ADAMTS12: variants seen among roughly 807,000 people sequenced by gnomAD.
ADAMTS12 encodes the protein ADAM metallopeptidase with thrombospondin type 1 motif 12.
In ADAMTS12, 118 loss-of-function variants were observed where a neutral mutation model predicts 167.8. That is an observed-to-expected ratio of 0.70 (90% CI 0.61 to 0.82). ADAMTS12 has a LOEUF of 0.82. ADAMTS12 is among the 40% of genes least tolerant of loss of function. The pLI is 0.00. For synonymous variants in ADAMTS12, 704 were observed against 716.9 expected, an observed-to-expected ratio of 0.98 and a Z score of 0.29; for missense variants, 1,916 against 1,998.8, an observed-to-expected ratio of 0.96 and a Z score of 0.79.
At chr5:33,632,378 A>G in intron 12 of ADAMTS12, among the ~76,000 whole-genome samples, 1 of 151,044 alleles carries the variant, frequency 6.6e-6, no homozygotes, top group Non-Finnish European at 1.5e-5. Flanking sequence ...AAACAAGCAC[A>G]TGTGCTCCCT....
chr5:33,675,212 C>A (rs1741858417), intron 5 of ADAMTS12, among the ~76,000 whole-genome samples: 1 of 152,126 alleles, frequency 6.6e-6, no homozygotes, highest in Non-Finnish European at 1.5e-5. Flanking sequence ...CTAAAACAGA[C>A]CCTGCCTAGT....
At chr5:33,592,263 A>G (rs985652241) in intron 17 of ADAMTS12, among the ~76,000 whole-genome samples, 1 of 151,500 alleles carries the variant, frequency 6.6e-6, no homozygotes, top group Non-Finnish European at 1.5e-5. Flanking sequence ...AAAAACAAAA[A>G]AACAAAAAAC....
intron 3 of ADAMTS12, among the ~76,000 whole-genome samples, chr5:33,726,208 A>T (rs1743975252): frequency 6.6e-6 from 1 of 152,170 alleles, no homozygotes; most frequent in Non-Finnish European, 1.5e-5. Flanking sequence ...ATCTGGTTGG[A>T]AGGGAAAGTG....
At chr5:33,810,204 A>AG (rs2112485830) in intron 2 of ADAMTS12, among the ~76,000 whole-genome samples, 1 of 152,306 alleles carries the variant, frequency 6.6e-6, no homozygotes, top group East Asian at 1.9e-4. Context: ...ATCTGGTAGC[A>AG]GAAAAAAATG....
rs375897060 is a variant in ADAMTS12, at chr5:33,576,620, T to C, written c.3406A>G (p.Ile1136Val). The change falls in exon 19 of 24, where the codon ATC becomes GTC. Residue 1136 changes from isoleucine to valine, a missense_variant. By Grantham distance (29) the Ile-to-Val change is conservative. Transcript: ENST00000504830. ...TAAAATGGAGTCACAGGCCAAGTGA[T>C]AGGGTTGCGGGAAGATGACAAGCCA... ...GSGLSSSRNP[I>V]TWPVTPFYNT... The C allele has an allele frequency of 2.5e-6, 4 of 1,614,210 alleles. No homozygotes were observed. The highest frequency in any genetic ancestry group is 2.2e-5 in the East Asian group (1 of 44,886).
chr5:33,557,117 A>T (rs1745519548), intron 20 of ADAMTS12, among the ~76,000 whole-genome samples: 1 of 152,210 alleles, frequency 6.6e-6, no homozygotes, highest in Admixed American at 6.5e-5. Context: ...CAGCAATCAC[A>T]GTGGTAGAAG....
At chr5:33,658,070 C>T in intron 7 of ADAMTS12, 114 bp downstream of exon 7, 1 of 1,325,740 alleles carries the variant, frequency 7.5e-7, no homozygotes, top group South Asian at 1.4e-5. Flanking sequence ...TCACAAGCCA[C>T]AGTATAATCT....
At chr5:33,616,106 C>T (rs201697738) in intron 14 of ADAMTS12, 34 bp from the exon 15 acceptor site, 151 of 1,608,294 alleles carry the variant, frequency 9.4e-5, no homozygotes, top group Admixed American at 4.4e-4. Context: ...GAAAGAGGCA[C>T]GCCAGCTTCT....
chr5:33,807,919 A>C (rs1428979407), intron 2 of ADAMTS12, among the ~76,000 whole-genome samples: 4 of 152,220 alleles, frequency 2.6e-5, no homozygotes, highest in African/African-American at 9.6e-5. Flanking sequence ...CTCTCAGGAA[A>C]TTTCACTATA....
chr5:33,870,277 T>G (rs1463056813), intron 2 of ADAMTS12, among the ~76,000 whole-genome samples: 1 of 152,168 alleles, frequency 6.6e-6, no homozygotes, highest in East Asian at 1.9e-4. Flanking sequence ...ATTAAGAGAT[T>G]AAAGTAAAGA....
At position 33,751,320 on chromosome 5, in the gene ADAMTS12, A is replaced by T. The variant is rs1405138000; in HGVS notation, c.634+84T>A. 20 of 1,562,084 alleles carry T rather than the reference A, an allele frequency of 1.3e-5. No homozygotes were observed. The East Asian group carries it at 4.5e-4, about 35-fold the overall frequency. ...GAATACAGAGGAGATAAGAGACTTG[A>T]GTAAGAATAGGTCATGTTTTAATAA... On this transcript the variant is annotated intron_variant, in intron 3 of 23. Transcript: ENST00000504830.
Position 33,649,628 on chromosome 5 carries a change from G to A in ADAMTS12, c.1260C>T (p.Ser420=), listed in dbSNP as rs1401148978. The A allele has an allele frequency of 6.2e-7, 1 of 1,614,042 alleles. No individual in the cohort carries two copies. Among genetic ancestry groups the A allele is most frequent in the East Asian group, 2.2e-5 (1 of 44,862 alleles). The change falls in exon 8 of 24, where the codon TCC becomes TCT. Residue 420 remains serine, a synonymous_variant. Coordinates refer to ENST00000504830, the MANE Select transcript of ADAMTS12 (RefSeq NM_030955.4). Reference sequence around the variant, plus strand: ...GAGTGGGATCGTACTGGAGCTGGCGGGACATGATGTACGGATGTCTGCCCA... The same window carrying A: ...GAGTGGGATCGTACTGGAGCTGGCGAGACATGATGTACGGATGTCTGCCCA... ...EPVGRHPYIM[S]RQLQYDPTPL... is the part of the protein sequence containing the mutation.
intron 2 of ADAMTS12, among the ~76,000 whole-genome samples, chr5:33,839,581 C>T (rs766446278): frequency 2.0e-5 from 3 of 152,142 alleles, no homozygotes; most frequent in Non-Finnish European, 2.9e-5. Flanking sequence ...ATGAGGTCTG[C>T]GCTCCATGCT....
intron 13 of ADAMTS12, among the ~76,000 whole-genome samples, chr5:33,627,159 CTA>C (rs1579769630): frequency 8.8e-6 from 1 of 113,042 alleles, no homozygotes; most frequent in South Asian, 3.0e-4. Flanking sequence ...GTCGTGGTGA[CTA>C]TGTGGTAATG....
intron 22 of ADAMTS12, among the ~76,000 whole-genome samples, chr5:33,539,140 C>T (rs897709120): frequency 6.6e-6 from 1 of 152,200 alleles, no homozygotes. Flanking sequence ...TGAGATTTCA[C>T]CCTGTTGGCC....
chr5:33,870,080 C>T (rs892187635), intron 2 of ADAMTS12, among the ~76,000 whole-genome samples: 3 of 152,172 alleles, frequency 2.0e-5, no homozygotes, highest in African/African-American at 4.8e-5. Flanking sequence ...CTGCCTGGCC[C>T]CCAGGCACTC....
intron 2 of ADAMTS12, among the ~76,000 whole-genome samples, chr5:33,826,566 ATGTG>A (rs1197824014): frequency 1.1e-5 from 1 of 91,978 alleles, no homozygotes; most frequent in South Asian, 4.2e-4. Flanking sequence ...ATGTTTATGT[ATGTG>A]TATGTGTGTG....
chr5:33,637,844 C>T (rs1740270017), intron 11 of ADAMTS12, 98 bp from the exon 12 acceptor site: 2 of 1,275,682 alleles, frequency 1.6e-6, no homozygotes, highest in African/African-American at 3.0e-5. Context: ...AATGATGTCT[C>T]TCTATGCCCT....
chr5:33,554,963 T>C (rs1250495674), intron 20 of ADAMTS12, among the ~76,000 whole-genome samples: 1 of 152,094 alleles, frequency 6.6e-6, no homozygotes, highest in East Asian at 1.9e-4. Context: ...AGACAGATTA[T>C]TACAAAAAAA....
Sources: allele counts gnomAD v4.1 joint callset (sites outside exome capture counted in the v4.1 genomes callset), GRCh38; gene constraint gnomAD v4.1.1; transcripts MANE v1.5; gene names NCBI Gene and HGNC (gene_info 2026-07-23, HGNC 2026-07-21).